Variants in KCNAB1 observed in about 807,000 individuals in gnomAD.
KCNAB1 encodes potassium voltage-gated channel subfamily A regulatory beta subunit 1, also known as voltage-gated potassium channel subunit beta-1.
KCNAB1 carries 35 observed loss-of-function variants against 64.6 expected under a neutral mutation model. The ratio of observed to expected loss-of-function variants is 0.54; its 90% confidence interval spans 0.41 to 0.72. KCNAB1 has a LOEUF of 0.72. KCNAB1 is among the 30% of genes least tolerant of loss of function. The pLI, the probability that KCNAB1 is intolerant of heterozygous loss-of-function variation, is 0.00. For synonymous variants in KCNAB1, 177 were observed against 183.8 expected (o/e 0.96, Z 0.30); for missense variants, 401 against 512.9 (o/e 0.78, Z 2.11).
intron 1 of KCNAB1, among the ~76,000 whole-genome samples, chr3:156,220,509 A>G (rs1273600287): frequency 6.6e-6 from 1 of 152,204 alleles, no homozygotes; most frequent in Non-Finnish European, 1.5e-5. Context: ...GGCTGCATAA[A>G]TGTCTTCTTT....
chr3:156,248,914 G>C (rs1717633909), intron 1 of KCNAB1, among the ~76,000 whole-genome samples: 1 of 152,148 alleles, frequency 6.6e-6, no homozygotes, highest in Non-Finnish European at 1.5e-5. Context: ...GGCTGGACTA[G>C]GAGTCCATGT....
chr3:156,242,457 T>C (rs1398354928), intron 1 of KCNAB1, among the ~76,000 whole-genome samples: 2 of 152,182 alleles, frequency 1.3e-5, no homozygotes, highest in Non-Finnish European at 2.9e-5. Flanking sequence ...CACATGCTTC[T>C]GTTATTCTGA....
At chr3:156,311,066 C>T (rs1721867184) in intron 1 of KCNAB1, among the ~76,000 whole-genome samples, 1 of 152,124 alleles carries the variant, frequency 6.6e-6, no homozygotes, top group African/African-American at 2.4e-5. Context: ...AGAAGACCCC[C>T]CACCCTTCTT....
chr3:156,476,902 G>A (rs1714407880), intron 8 of KCNAB1, among the ~76,000 whole-genome samples: 3 of 152,162 alleles, frequency 2.0e-5, no homozygotes, highest in African/African-American at 7.2e-5. Context: ...TAAGTGCCTA[G>A]TGACTATTTT....
At chr3:156,503,456 G>C (rs1716593951) in intron 8 of KCNAB1, among the ~76,000 whole-genome samples, 1 of 152,212 alleles carries the variant, frequency 6.6e-6, no homozygotes, top group South Asian at 2.1e-4. Context: ...GGTGGAGCAA[G>C]AAATAATATT....
At chr3:156,496,038 A>G (rs1369390763) in intron 8 of KCNAB1, among the ~76,000 whole-genome samples, 1 of 152,104 alleles carries the variant, frequency 6.6e-6, no homozygotes, top group Non-Finnish European at 1.5e-5. Context: ...ACAACCAGGC[A>G]GGTGTTTCCC....
At chr3:156,306,586 T>C (rs577416118) in intron 1 of KCNAB1, among the ~76,000 whole-genome samples, 2 of 152,224 alleles carry the variant, frequency 1.3e-5, no homozygotes, top group African/African-American at 4.8e-5. Flanking sequence ...GATGTCTAAG[T>C]CCATTACAGA....
At chr3:156,528,471 G>A (rs528744600) in intron 12 of KCNAB1, among the ~76,000 whole-genome samples, 1 of 152,310 alleles carries the variant, frequency 6.6e-6, no homozygotes, top group East Asian at 1.9e-4. Flanking sequence ...TCACAGCCTG[G>A]TGGGCAAGTC....
chr3:156,221,757 G>C (rs958561614), intron 1 of KCNAB1, among the ~76,000 whole-genome samples: 1 of 149,478 alleles, frequency 6.7e-6, no homozygotes, highest in Non-Finnish European at 1.5e-5. Flanking sequence ...CAGCCTGGGC[G>C]AAAAGAGCAA....
intron 1 of KCNAB1, among the ~76,000 whole-genome samples, chr3:156,165,086 G>A (rs528731266): frequency 6.6e-6 from 1 of 151,804 alleles, no homozygotes; most frequent in South Asian, 2.1e-4. Context: ...AGACCATCCC[G>A]GCTAAAACGG....
rs1560146699 is a variant in KCNAB1, at chr3:156,226,319, C to A, written c.275+105433C>A. On this transcript the variant is annotated intron_variant, in intron 1 of 13. Transcript: ENST00000490337. ...AAAAACATAAAGTGGAGAAAGGATA[C>A]CCTACTCAACAAACGGTGCTGGGAT... 2.0e-5 allele frequency among the ~76,000 whole-genome samples: 3 copies of A among 152,056 alleles called. No individual in the cohort carries two copies. The South Asian group carries it at 6.2e-4, about 32-fold the overall frequency.
intron 12 of KCNAB1, 70 bp from the exon 13 acceptor site, chr3:156,531,339 G>C (rs999335106): frequency 1.8e-6 from 2 of 1,112,860 alleles, no homozygotes; most frequent in African/African-American, 3.1e-5. Flanking sequence ...AACAGCTGTA[G>C]CAGGTGTTTA....
Position 156,515,431 on chromosome 3 carries a change from A to G in KCNAB1, c.865+211A>G, listed in dbSNP as rs142206830. The stretch of plus-strand genomic sequence containing the variant: ...TACAGGGTATCACTGATGAAAGCCA[A>G]GCAGAGTTGTAAATTGTGACTGGTA... On this transcript the variant is annotated intron_variant, in intron 10 of 13. Coordinates refer to ENST00000490337, the MANE Select transcript of KCNAB1 (RefSeq NM_172160.3). Among the ~76,000 whole-genome samples, 23 of 152,298 alleles carry G rather than the reference A, an allele frequency of 1.5e-4. No individual in the cohort carries two copies. In the East Asian group the frequency reaches 4.4e-3, roughly 29 times the overall value.
At chr3:156,367,913 T>C (rs1726050233) in intron 1 of KCNAB1, among the ~76,000 whole-genome samples, 1 of 152,212 alleles carries the variant, frequency 6.6e-6, no homozygotes, top group Non-Finnish European at 1.5e-5. Context: ...TCTCCTTCCC[T>C]ATCCCAAACT....
At chr3:156,260,047 AC>A (rs1328371765) in intron 1 of KCNAB1, among the ~76,000 whole-genome samples, 1 of 151,524 alleles carries the variant, frequency 6.6e-6, no homozygotes, top group African/African-American at 2.4e-5. Context: ...TTTCTCAAGA[AC>A]CCCCCAGCAA....
At chr3:156,139,589 T>TTTG (rs1714580459) in intron 1 of KCNAB1, among the ~76,000 whole-genome samples, 1 of 139,502 alleles carries the variant, frequency 7.2e-6, no homozygotes, top group Non-Finnish European at 1.5e-5. Context: ...ACTGTGTTTT[T>TTTG]TTTTTTTTTT....
chr3:156,153,524 TGTGTCTGTGAA>T (rs1224314462), intron 1 of KCNAB1, among the ~76,000 whole-genome samples: 3 of 152,216 alleles, frequency 2.0e-5, no homozygotes, highest in African/African-American at 7.2e-5. Flanking sequence ...CTATTCTGTG[TGTGTCTGTGAA>T]GGTGTTTTTG....
intron 1 of KCNAB1, among the ~76,000 whole-genome samples, chr3:156,415,828 C>G (rs1715024119): frequency 6.6e-6 from 1 of 152,132 alleles, no homozygotes; most frequent in Admixed American, 6.5e-5. Flanking sequence ...GCCTGTTACC[C>G]TGGACACTCA....
intron 1 of KCNAB1, among the ~76,000 whole-genome samples, chr3:156,159,244 C>T (rs1303486654): frequency 6.6e-6 from 1 of 152,100 alleles, no homozygotes; most frequent in Non-Finnish European, 1.5e-5. Flanking sequence ...GGGTCTTATT[C>T]TTAGCTCTCT....
Sources: allele counts gnomAD v4.1 joint callset (sites outside exome capture counted in the v4.1 genomes callset), GRCh38; gene constraint gnomAD v4.1.1; transcripts MANE v1.5; gene names NCBI Gene and HGNC (gene_info 2026-07-23, HGNC 2026-07-21).